Variants in PUDP observed in about 807,000 individuals in gnomAD.
PUDP encodes the protein pseudouridine-5'-phosphatase.
PUDP carries 8 observed loss-of-function variants against 9.4 expected under a neutral mutation model. The observed-to-expected ratio is 0.85, with a 90% CI of 0.50 to 1.53. The LOEUF (loss-of-function observed/expected upper bound fraction) is 1.53. PUDP is among the 40% of genes most tolerant of loss of function. PUDP has a pLI of 0.00. For synonymous variants in PUDP, 99 were observed against 80.7 expected (o/e 1.23, Z -1.22); for missense variants, 188 against 189.7 (o/e 0.99, Z 0.05).
chrX:7,002,783 C>T (rs996369749), intron 1 of PUDP, among the ~76,000 whole-genome samples: 2 of 110,538 alleles, frequency 1.8e-5, no homozygotes, highest in Admixed American at 1.9e-4. Flanking sequence ...AGAGGGAAGC[C>T]GGAGTGGAAT....
In PUDP at chrX:6,829,249, T is replaced by C. The variant is rs747570200; in HGVS notation, c.*248-122783A>G. On this transcript the variant is annotated intron_variant and NMD_transcript_variant, in intron 3 of 3. Transcript: ENST00000655425. The stretch of plus-strand genomic sequence containing the variant: ...TTTGTCATTGGTATATCAGGTTGAA[T>C]GGATTAAGACACTTATAGAAAGACA... 5.4e-5 allele frequency among the ~76,000 whole-genome samples: 6 copies of C among 111,280 alleles called. No homozygotes were observed. In the East Asian group the frequency reaches 1.7e-3, roughly 31 times the overall value.
intron 3 of PUDP, among the ~76,000 whole-genome samples, chrX:6,943,597 C>G (rs956022201): frequency 3.6e-5 from 4 of 111,966 alleles, no homozygotes; most frequent in African/African-American, 1.3e-4. Context: ...AAATACAAGA[C>G]ATTTAGGCAG....
intron 3 of PUDP, among the ~76,000 whole-genome samples, chrX:6,850,219 C>T: frequency 8.9e-6 from 1 of 112,064 alleles, no homozygotes; most frequent in Admixed American, 9.5e-5. Context: ...ACTTTCACTA[C>T]ATGCTGCGGT....
rs918300948 is a variant in PUDP, at chrX:6,999,241, G to A, written c.205-20898C>T. On this transcript the variant is annotated intron_variant and NMD_transcript_variant, in intron 1 of 3. Transcript: ENST00000655425. ...TAAGATAAGTCCATGGGAGCAGGGCGACTGTGTTGGTCACTTTCATCACTA... is the reference window on the plus strand; with the variant it reads ...TAAGATAAGTCCATGGGAGCAGGGCAACTGTGTTGGTCACTTTCATCACTA... Among the ~76,000 whole-genome samples the A allele has an allele frequency of 1.4e-4, 16 of 111,440 alleles. 1 individual carries two copies. The highest frequency in any genetic ancestry group is 9.6e-5 in the Admixed American group (1 of 10,452).
At chrX:6,994,875 G>A (rs894244242) in intron 1 of PUDP, among the ~76,000 whole-genome samples, 4 of 111,493 alleles carry the variant, frequency 3.6e-5, no homozygotes, top group African/African-American at 1.3e-4. Flanking sequence ...AACTGATGGG[G>A]GGAAAAGTGC....
chrX:6,888,508 G>A (rs12387805), intron 3 of PUDP, among the ~76,000 whole-genome samples: 1,603 of 109,429 alleles, frequency 0.015, 34 homozygotes, highest in African/African-American at 0.05. Flanking sequence ...AAATTAGCCA[G>A]GCATGGTGGT....
intron 3 of PUDP, among the ~76,000 whole-genome samples, chrX:6,925,617 G>A: frequency 8.9e-6 from 1 of 112,275 alleles, no homozygotes; most frequent in East Asian, 2.8e-4. Flanking sequence ...AAGTGGTCCC[G>A]AGGCAGTCGG....
chrX:6,839,510 A>G (rs1447628190), intron 3 of PUDP, among the ~76,000 whole-genome samples: 1 of 111,827 alleles, frequency 8.9e-6, no homozygotes, highest in African/African-American at 3.3e-5. Context: ...CTTGCCTTGG[A>G]CCATTCTTTG....
At chrX:6,716,412 G>A (rs1368191032) in intron 1 of PUDP, among the ~76,000 whole-genome samples, 2 of 111,680 alleles carry the variant, frequency 1.8e-5, no homozygotes, top group Admixed American at 1.9e-4. Flanking sequence ...CAGCTACAAC[G>A]AATGGCTTGG....
chrX:6,799,762 G>A (rs1392128795), intron 3 of PUDP, among the ~76,000 whole-genome samples: 1 of 110,628 alleles, frequency 9.0e-6, no homozygotes, highest in Non-Finnish European at 1.9e-5. Context: ...CTTGAACCCC[G>A]GAGGCAGAGG....
At chrX:6,870,767 C>T (rs1480071072) in intron 3 of PUDP, among the ~76,000 whole-genome samples, 1 of 112,330 alleles carries the variant, frequency 8.9e-6, no homozygotes, top group African/African-American at 3.2e-5. Flanking sequence ...CAGTCTTCTG[C>T]CAATATTCAA....
chrX:7,074,158 C>T (rs1309818862), intron 3 of PUDP, among the ~76,000 whole-genome samples: 1 of 112,597 alleles, frequency 8.9e-6, no homozygotes, highest in Non-Finnish European at 1.9e-5. Flanking sequence ...CTACTGGGCT[C>T]AAGCATCCTC....
At chrX:6,834,765 T>C (rs1415901822) in intron 3 of PUDP, among the ~76,000 whole-genome samples, 1 of 111,185 alleles carries the variant, frequency 9.0e-6, no homozygotes, top group Non-Finnish European at 1.9e-5. Flanking sequence ...CCGAGGGCCT[T>C]CTTGTTACAT....
At chrX:7,080,162 T>C (rs1931038498) in intron 2 of PUDP, among the ~76,000 whole-genome samples, 1 of 111,854 alleles carries the variant, frequency 8.9e-6, no homozygotes, top group African/African-American at 3.3e-5. Context: ...CTACAGATTC[T>C]AACATCGATA....
At chrX:6,832,525 G>A (rs763061746) in intron 3 of PUDP, among the ~76,000 whole-genome samples, 10 of 112,043 alleles carry the variant, frequency 8.9e-5, no homozygotes, top group Non-Finnish European at 1.7e-4. Context: ...CATGTTAACG[G>A]CAATCTCAGA....
chrX:6,943,316 C>T (rs1387447535), intron 3 of PUDP, among the ~76,000 whole-genome samples: 1 of 112,255 alleles, frequency 8.9e-6, no homozygotes, highest in Non-Finnish European at 1.9e-5. Flanking sequence ...TAGAACATTT[C>T]TTCCTTTGCC....
At position 7,129,103 on chromosome X, in the gene PUDP, T is replaced by C. The variant is rs144792754; in HGVS notation, c.61+18950A>G. ...AGTACCCTTAGCCTTCGGGCAACCA[T>C]TGCTTTGAACATAATTAGAGAATGC... On this transcript the variant is annotated intron_variant, in intron 1 of 3. Transcript: ENST00000381077. Among the ~76,000 whole-genome samples the C allele has an allele frequency of 2.5e-3, 280 of 111,891 alleles. 1 individual carries two copies. Among genetic ancestry groups the C allele is most frequent in the Non-Finnish European group, 4.4e-3 (232 of 53,200 alleles).
chrX:6,972,636 G>C (rs1409645325), intron 3 of PUDP, among the ~76,000 whole-genome samples: 1 of 111,998 alleles, frequency 8.9e-6, no homozygotes, highest in African/African-American at 3.2e-5. Flanking sequence ...TTTTCACATC[G>C]ATGTTCATCA....
Position 7,028,679 on chromosome X carries a change from T to C in PUDP, c.204+48541A>G, listed in dbSNP as rs755806227. ...GTACTCCGCTTGGCCAGCCACCAGA[T>C]GAAATGGGTAAAAAGGGCTGCTTGA... is the stretch of plus-strand genomic sequence containing the variant. On this transcript the variant is annotated intron_variant and NMD_transcript_variant, in intron 1 of 3. Transcript: ENST00000655425. Among the ~76,000 whole-genome samples, 12 of 111,706 alleles carry C rather than the reference T, an allele frequency of 1.1e-4. No homozygotes were observed. The East Asian group carries it at 3.4e-3, about 31-fold the overall frequency.
Sources: allele counts gnomAD v4.1 joint callset (sites outside exome capture counted in the v4.1 genomes callset), GRCh38; gene constraint gnomAD v4.1.1; transcripts MANE v1.5; gene names NCBI Gene and HGNC (gene_info 2026-07-23, HGNC 2026-07-21).